The following NUF2 variants were observed in gnomAD, a reference collection of about 807,000 sequenced individuals.
The protein encoded by NUF2 is NUF2 component of NDC80 kinetochore complex, also known as kinetochore protein Nuf2.
NUF2 carries 34 observed loss-of-function variants against 61.8 expected under a neutral mutation model. The ratio of observed to expected loss-of-function variants is 0.55; its 90% CI spans 0.42 to 0.73. NUF2 has a LOEUF of 0.73. Ranked by LOEUF, NUF2 falls within the 30% of genes least tolerant of loss-of-function variation. The pLI is 0.00. For missense variants in NUF2, 445 were observed against 539.1 expected (o/e 0.83, Z 1.73); for synonymous variants, 172 against 181.6 (o/e 0.95, Z 0.42).
At chr1:163,327,100 ACACACACACACACACAC>A (rs199678583) in intron 2 of NUF2, among the ~76,000 whole-genome samples, 44,591 of 145,214 alleles carry the variant, frequency 0.31, 6,793 homozygotes, top group Middle Eastern at 0.41. Context: ...TCCTGTGTTC[ACACACACACACACACAC>A]ACACACACAC....
chr1:163,338,179 C>A, intron 7 of NUF2, 86 bp downstream of exon 7: 1 of 914,814 alleles, frequency 1.1e-6, no homozygotes, highest in Non-Finnish European at 1.7e-6. Context: ...CTATATTCCA[C>A]CTTAAGTCTC....
chr1:163,334,903 A>T (rs569435590), intron 5 of NUF2, among the ~76,000 whole-genome samples: 1 of 152,270 alleles, frequency 6.6e-6, no homozygotes, highest in South Asian at 2.1e-4. Context: ...ATGCACAGAT[A>T]TGGAGGGCTG....
chr1:163,335,023 G>A (rs376237219), intron 5 of NUF2, among the ~76,000 whole-genome samples: 6 of 152,024 alleles, frequency 3.9e-5, no homozygotes, highest in East Asian at 3.9e-4. Flanking sequence ...GCACAGTCTC[G>A]GCTTACTGCA....
intron 3 of NUF2, 44 bp from the exon 4 acceptor site, chr1:163,328,184 T>G (rs1164064107): frequency 1.1e-5 from 14 of 1,269,288 alleles, no homozygotes; most frequent in Non-Finnish European, 1.0e-5. Flanking sequence ...TCTCATTTTG[T>G]CTAATCAATG....
chr1:163,355,717 C>T lies in NUF2; in HGVS notation c.*248C>T. The T allele has an allele frequency of 4.1e-6, 1 of 245,080 alleles. No homozygotes were observed. The highest frequency in any genetic ancestry group is 7.8e-6 in the Non-Finnish European group (1 of 127,914). The allele number at this position is 245,080 out of a possible 1,614,324, so 15.2% of individuals were successfully genotyped here. A position where few individuals can be genotyped will look rare whatever the true frequency, so the allele number is the denominator to read the frequency against. Reference sequence around the variant, plus strand: ...CTTGTTGTAAATAGTTTGAGTAAAACAAAACTAGTTACCTTTGAAATATAT... The same window carrying T: ...CTTGTTGTAAATAGTTTGAGTAAAATAAAACTAGTTACCTTTGAAATATAT... On this transcript the variant is annotated 3_prime_UTR_variant, in exon 14 of 14. Coordinates refer to ENST00000271452, the MANE Select transcript of NUF2 (RefSeq NM_145697.3).
intron 5 of NUF2, among the ~76,000 whole-genome samples, chr1:163,333,658 T>C (rs1244529282): frequency 6.6e-6 from 1 of 152,190 alleles, no homozygotes; most frequent in African/African-American, 2.4e-5. Flanking sequence ...CATACCATTG[T>C]CTATCTTCAA....
rs1271565456 is a variant in NUF2, at chr1:163,355,390, A to G, written c.1316A>G (p.Lys439Arg). The G allele has an allele frequency of 5.0e-6, 8 of 1,608,482 alleles. No individual in the cohort carries two copies. Among genetic ancestry groups the G allele is most frequent in the Non-Finnish European group, 6.8e-6 (8 of 1,176,734 alleles). Residue 439 changes from lysine (K) to arginine (R), a missense_variant, in exon 14 of 14, where the codon AAG becomes AGG. Lys to Arg is a conservative substitution (Grantham distance 26). Coordinates refer to ENST00000271452, the MANE Select transcript of NUF2 (RefSeq NM_145697.3). ...ALEKYHDGIEKAAEDSYAKID... is the reference protein window; with the variant it reads ...ALEKYHDGIERAAEDSYAKID... ...GAGAAATACCACGACGGTATTGAAAAGGCAGCAGAGGACTCCTATGCTAAG... is the reference window on the plus strand; with the variant it reads ...GAGAAATACCACGACGGTATTGAAAGGGCAGCAGAGGACTCCTATGCTAAG...
At chr1:163,343,191 G>C (rs1651006042) in intron 9 of NUF2, among the ~76,000 whole-genome samples, 2 of 152,166 alleles carry the variant, frequency 1.3e-5, no homozygotes, top group South Asian at 2.1e-4. Context: ...CTATAGCTTT[G>C]TTTGGGTACT....
chr1:163,352,261 T>C (rs1366264280), intron 13 of NUF2, among the ~76,000 whole-genome samples: 1 of 152,236 alleles, frequency 6.6e-6, no homozygotes, highest in Non-Finnish European at 1.5e-5. Flanking sequence ...CTCTTATTAT[T>C]ATACGTCTGT....
chr1:163,350,301 C>CAA (rs759212484), intron 13 of NUF2, among the ~76,000 whole-genome samples: 1 of 125,998 alleles, frequency 7.9e-6, no homozygotes, highest in Non-Finnish European at 1.7e-5. Context: ...GACTCCGTCT[C>CAA]AAAAAAAAAA....
At chr1:163,323,665 G>A (rs899679461) in intron 1 of NUF2, among the ~76,000 whole-genome samples, 3 of 152,098 alleles carry the variant, frequency 2.0e-5, no homozygotes, top group Non-Finnish European at 4.4e-5. Context: ...GCTGCAGTGA[G>A]CTGTGATTGT....
chr1:163,337,153 T>C (rs1429540960), intron 6 of NUF2, among the ~76,000 whole-genome samples: 1 of 152,118 alleles, frequency 6.6e-6, no homozygotes, highest in African/African-American at 2.4e-5. Flanking sequence ...GTTTACATTT[T>C]TTTCTTTGAA....
intron 2 of NUF2, 82 bp downstream of exon 2, chr1:163,326,256 G>T: frequency 7.8e-7 from 1 of 1,289,518 alleles, no homozygotes; most frequent in Non-Finnish European, 1.1e-6. Context: ...GGCAAGAAAG[G>T]GATATGGCCT....
rs1571366703 is a variant in NUF2, at chr1:163,322,159, T to A, written c.-74T>A. 6.6e-6 allele frequency: 1 copy of A among 152,222 alleles called. No individual in the cohort carries two copies. The highest frequency in any genetic ancestry group is 2.4e-5 in the African/African-American group (1 of 41,420). The allele number at this position is 152,222 out of a possible 1,614,324, so 9.4% of individuals were successfully genotyped here. On this transcript the variant is annotated 5_prime_UTR_variant, in exon 1 of 14. Transcript: ENST00000271452. ...GGTGCCGGGACGCTGGGCCTGGCGG[T>A]GTTTTCGTCGTGCTCAGCGGTGGGA...
chr1:163,345,968 G>C lies in NUF2; in HGVS notation c.948+150G>C, dbSNP rs1158867451. 1.6e-5 allele frequency: 8 copies of C among 509,242 alleles called. No individual in the cohort carries two copies. In the South Asian group the frequency reaches 2.3e-4, roughly 15 times the overall value. The allele number at this position is 509,242 out of a possible 1,614,324, so 31.5% of individuals were successfully genotyped here. On this transcript the variant is annotated intron_variant, in intron 11 of 13. Coordinates refer to ENST00000271452, the MANE Select transcript of NUF2 (RefSeq NM_145697.3). ...ATGTGGCAATGTATGCTATGAAAAA[G>C]ACACTTTTCTTTTTAAACATAGCAG...
At chr1:163,327,100 ACACACACACACAC>A (rs1387682528) in intron 2 of NUF2, among the ~76,000 whole-genome samples, 143 of 145,322 alleles carry the variant, frequency 9.8e-4, no homozygotes, top group Non-Finnish European at 1.5e-3. Flanking sequence ...TCCTGTGTTC[ACACACACACACAC>A]ACACACACAC....
At chr1:163,332,038 G>T (rs962761555) in intron 5 of NUF2, among the ~76,000 whole-genome samples, 10 of 150,990 alleles carry the variant, frequency 6.6e-5, no homozygotes, top group Non-Finnish European at 8.9e-5. Context: ...TTTTTTTCTA[G>T]TTTTGTTTTT....
chr1:163,330,693 C>T lies in NUF2; in HGVS notation c.337+1786C>T, dbSNP rs577902357. Among the ~76,000 whole-genome samples, 239 of 152,162 alleles carry T rather than the reference C, an allele frequency of 1.6e-3. 1 individual carries two copies. The highest frequency in any genetic ancestry group is 5.6e-3 in the African/African-American group (233 of 41,540). On this transcript the variant is annotated intron_variant, in intron 5 of 13. Coordinates refer to ENST00000271452, the MANE Select transcript of NUF2 (RefSeq NM_145697.3). ...TTTAATAATATTGGGTCTTCTGATC[C>T]ATATGCATGCTATATCTCTGCATTT... is the stretch of plus-strand genomic sequence containing the variant.
intron 6 of NUF2, among the ~76,000 whole-genome samples, chr1:163,337,524 A>G (rs1404145923): frequency 2.0e-5 from 3 of 152,140 alleles, no homozygotes; most frequent in Non-Finnish European, 4.4e-5. Context: ...TAACTCCTAA[A>G]CATCATATAA....
Sources: allele counts gnomAD v4.1 joint callset (sites outside exome capture counted in the v4.1 genomes callset), GRCh38; gene constraint gnomAD v4.1.1; transcripts MANE v1.5; gene names NCBI Gene and HGNC (gene_info 2026-07-23, HGNC 2026-07-21).